The following STRADB variants were observed in gnomAD, a reference collection of about 807,000 sequenced individuals.
STRADB encodes STE20-related kinase adapter protein beta.
Under a neutral mutation model 52.1 loss-of-function variants are expected in STRADB, and 34 were observed. That is an observed-to-expected ratio of 0.65 (90% confidence interval 0.50 to 0.87). STRADB has a LOEUF of 0.87. Ranked by LOEUF, STRADB falls within the 40% of genes least tolerant of loss-of-function variation. The pLI, the probability that STRADB is intolerant of heterozygous loss-of-function variation, is 0.00. For synonymous variants in STRADB, 133 were observed against 174.5 expected, an observed-to-expected ratio of 0.76 and a Z score of 1.87; for missense variants, 340 against 483.9, an observed-to-expected ratio of 0.70 and a Z score of 2.79.
At chr2:201,468,907 A>G (rs1338271800) in intron 3 of STRADB, among the ~76,000 whole-genome samples, 1 of 152,234 alleles carries the variant, frequency 6.6e-6, no homozygotes, top group Non-Finnish European at 1.5e-5. Flanking sequence ...AAAGAGGCAG[A>G]AAAAAAGAGA....
intron 3 of STRADB, among the ~76,000 whole-genome samples, chr2:201,463,397 G>A (rs1178517849): frequency 6.6e-6 from 1 of 150,458 alleles, no homozygotes. Flanking sequence ...CTCCTGGCCT[G>A]TAAGGTTTCC....
intron 4 of STRADB, among the ~76,000 whole-genome samples, chr2:201,470,802 A>T (rs1467986127): frequency 1.3e-5 from 2 of 152,210 alleles, no homozygotes; most frequent in Non-Finnish European, 2.9e-5. Context: ...TTTGCTAGAT[A>T]TTCTAGTCAT....
At chr2:201,472,454 G>A (rs915535670) in intron 4 of STRADB, among the ~76,000 whole-genome samples, 13 of 152,196 alleles carry the variant, frequency 8.5e-5, no homozygotes, top group Admixed American at 4.6e-4. Flanking sequence ...ATACAGCAAC[G>A]TGGATGAGTC....
intron 1 of STRADB, 97 bp downstream of exon 1, chr2:201,452,035 G>A (rs1361177255): frequency 6.6e-6 from 1 of 152,384 alleles, no homozygotes; most frequent in Non-Finnish European, 1.5e-5. Context: ...CGGGAAGCCA[G>A]AGGCCAGAAC....
Position 201,474,641 on chromosome 2 carries a change from TCCTAGAAAGC to T in STRADB, c.316-4_321del, listed in dbSNP as rs754698085. 1 of 1,606,472 alleles carries T rather than the reference TCCTAGAAAGC, an allele frequency of 6.2e-7. No homozygotes were observed. The highest frequency in any genetic ancestry group is 2.2e-5 in the East Asian group (1 of 44,772). On this transcript the variant is annotated splice_acceptor_variant and splice_polypyrimidine_tract_variant and coding_sequence_variant and intron_variant, in exon 6 of 12. Transcript: ENST00000194530. LOFTEE classifies it high-confidence loss of function. ...AAATGTCTTGTCTCTTGTGTGTTTATCCTAGAAAGCCGTGATTCTATCCCACTTTTTCCGG... is the reference window on the plus strand; with the variant it reads ...AAATGTCTTGTCTCTTGTGTGTTTATCGTGATTCTATCCCACTTTTTCCGG...
intron 2 of STRADB, 116 bp from the exon 3 acceptor site, chr2:201,458,668 A>G (rs1006139949): frequency 1.3e-6 from 1 of 771,506 alleles, no homozygotes; most frequent in African/African-American, 1.8e-5. Context: ...AGTTTCTGCA[A>G]GTTGCCCTTC....
chr2:201,473,882 C>T (rs936786988), intron 5 of STRADB, among the ~76,000 whole-genome samples: 1 of 150,602 alleles, frequency 6.6e-6, no homozygotes, highest in African/African-American at 2.4e-5. Context: ...GGATATTGTT[C>T]CAATTCTTTT....
At chr2:201,468,079 T>G (rs1387170318) in intron 3 of STRADB, among the ~76,000 whole-genome samples, 2 of 81,378 alleles carry the variant, frequency 2.5e-5, no homozygotes, top group African/African-American at 6.9e-5. Flanking sequence ...CCTGCCTTTT[T>G]TTTTTCTTTT....
chr2:201,465,701 A>G (rs992644366), intron 3 of STRADB, among the ~76,000 whole-genome samples: 2 of 152,194 alleles, frequency 1.3e-5, no homozygotes, highest in Non-Finnish European at 2.9e-5. Flanking sequence ...CTCATGGCCT[A>G]GACTACCTTT....
chr2:201,480,235 C>A lies in STRADB; in HGVS notation c.*60C>A, dbSNP rs1041948201. 6.3e-7 allele frequency: 1 copy of A among 1,596,026 alleles called. No homozygotes were observed. The highest frequency in any genetic ancestry group is 1.3e-5 in the African/African-American group (1 of 74,100). The stretch of plus-strand genomic sequence containing the variant: ...CACTTTCTCCTTGCTGCTTTTTCTT[C>A]TGTATTTCTAGGTACAAATACCAGA... On this transcript the variant is annotated 3_prime_UTR_variant, in exon 12 of 12. Coordinates refer to ENST00000194530, the MANE Select transcript of STRADB (RefSeq NM_018571.6).
At chr2:201,475,520 C>T (rs1952458429) in intron 6 of STRADB, 99 bp from the exon 7 acceptor site, 7 of 1,407,920 alleles carry the variant, frequency 5.0e-6, no homozygotes, top group Non-Finnish European at 6.0e-6. Context: ...CAAAAAGTAA[C>T]AGGTATGTTT....
chr2:201,471,526 C>G (rs181564419), intron 4 of STRADB, among the ~76,000 whole-genome samples: 1 of 152,154 alleles, frequency 6.6e-6, no homozygotes, highest in East Asian at 1.9e-4. Flanking sequence ...TTTCTTTAAC[C>G]CTTTGCCACT....
chr2:201,468,224 C>T (rs1389782353), intron 3 of STRADB, among the ~76,000 whole-genome samples: 1 of 151,054 alleles, frequency 6.6e-6, no homozygotes, highest in Non-Finnish European at 1.5e-5. Context: ...AGGACTTTGC[C>T]ATAATTTTTG....
chr2:201,453,417 A>G (rs1271276005), intron 1 of STRADB, among the ~76,000 whole-genome samples: 1 of 152,088 alleles, frequency 6.6e-6, no homozygotes, highest in Non-Finnish European at 1.5e-5. Context: ...TGCCCTGATT[A>G]CCAGCGGGTG....
At chr2:201,479,442 A>C (rs375433785) in intron 10 of STRADB, 47 bp from the exon 11 acceptor site, 90 of 1,493,838 alleles carry the variant, frequency 6.0e-5, no homozygotes, top group Non-Finnish European at 7.6e-5. Flanking sequence ...TGAAATCTAC[A>C]TTCTAATATA....
intron 5 of STRADB, 128 bp downstream of exon 5, chr2:201,473,204 A>C (rs2125680819): frequency 1.2e-6 from 1 of 801,324 alleles, no homozygotes; most frequent in East Asian, 3.9e-5. Context: ...AAATAGTACA[A>C]ATAAAACACA....
chr2:201,466,840 G>T (rs1952311843), intron 3 of STRADB, among the ~76,000 whole-genome samples: 1 of 152,108 alleles, frequency 6.6e-6, no homozygotes, highest in African/African-American at 2.4e-5. Flanking sequence ...CAATATCTCT[G>T]AGAGTTCATT....
intron 3 of STRADB, among the ~76,000 whole-genome samples, chr2:201,465,623 C>A (rs1254417497): frequency 6.6e-6 from 1 of 152,200 alleles, no homozygotes; most frequent in Non-Finnish European, 1.5e-5. Context: ...CTCACTAGGT[C>A]ATGGGCCCCC....
intron 3 of STRADB, among the ~76,000 whole-genome samples, chr2:201,468,526 C>T (rs933129042): frequency 2.0e-5 from 3 of 152,140 alleles, no homozygotes; most frequent in African/African-American, 7.2e-5. Flanking sequence ...TGTAATTGCC[C>T]TGGGCCTGGA....
Sources: gnomAD v4.1 joint callset for allele counts (sites outside exome capture counted in the v4.1 genomes callset) on GRCh38, gnomAD v4.1.1 for gene constraint, MANE v1.5 for transcripts, NCBI Gene and HGNC (gene_info 2026-07-23, HGNC 2026-07-21) for gene names.